SLC25A3: variants seen among roughly 807,000 people sequenced by gnomAD.
The protein encoded by SLC25A3 is phosphate transport protein.
Under a neutral mutation model 37.1 loss-of-function variants are expected in SLC25A3, and 14 were observed. The observed-to-expected ratio is 0.38, with a 90% CI of 0.25 to 0.59. The LOEUF is 0.59. Among genes scored for constraint, SLC25A3 ranks in the 20% least tolerant of loss-of-function variants. The pLI, the probability that SLC25A3 is intolerant of heterozygous loss-of-function variation, is 0.67. For synonymous variants in SLC25A3, 161 were observed against 168.7 expected, an observed-to-expected ratio of 0.95 and a Z score of 0.36; for missense variants, 385 against 458.1, an observed-to-expected ratio of 0.84 and a Z score of 1.46.
At position 98,604,629 on chromosome 12, in the gene SLC25A3, C is replaced by A. The variant is rs2097600260; in HGVS notation, c.*3101C>A. 1 of 152,120 alleles carries A rather than the reference C, an allele frequency of 6.6e-6. No homozygotes were observed. Among genetic ancestry groups the A allele is most frequent in the Non-Finnish European group, 1.5e-5 (1 of 68,128 alleles). The allele number at this position is 152,120 out of a possible 1,614,324, so 9.4% of individuals were successfully genotyped here. ...TAGCTGACACAATTGGGATGTGCCA[C>A]TACTTGCTCCTGTTTTTTCATAGAC... On this transcript the variant is annotated 3_prime_UTR_variant, in exon 8 of 8. Coordinates refer to ENST00000552981, the MANE Select transcript of SLC25A3 (RefSeq NM_002635.4).
At chr12:98,594,868 T>C (rs1196410453) in intron 2 of SLC25A3, 1 of 178,672 alleles carries the variant, frequency 5.6e-6, no homozygotes, top group Non-Finnish European at 1.2e-5. Flanking sequence ...TTTTTTTCTT[T>C]AAATCATTCA....
In SLC25A3 at chr12:98,601,186, C is replaced by T; in HGVS notation, c.830C>T (p.Ala277Val). The change falls in exon 7 of 8, where the codon GCA becomes GTA. Residue 277 changes from alanine to valine, a missense_variant. By Grantham distance (64) the Ala-to-Val change is moderately conservative. Coordinates refer to ENST00000552981, the MANE Select transcript of SLC25A3 (RefSeq NM_002635.4). ...CTTTTTTCAGCTGGAGTCTTTTGTG[C>T]AATTGTTTCTCACCCTGCTGATTCT... ...VAGYIAGVFC[A>V]IVSHPADSVV... 6.2e-7 allele frequency: 1 copy of T among 1,612,642 alleles called. No homozygotes were observed. The highest frequency in any genetic ancestry group is 8.5e-7 in the Non-Finnish European group (1 of 1,179,496).
intron 3 of SLC25A3, 97 bp from the exon 4 acceptor site, chr12:98,597,759 A>G: frequency 6.5e-7 from 1 of 1,527,650 alleles, no homozygotes; most frequent in Non-Finnish European, 8.9e-7. Flanking sequence ...TAGTTGCTGA[A>G]ATTTATTATG....
intron 6 of SLC25A3, among the ~76,000 whole-genome samples, chr12:98,600,906 G>A (rs892811655): frequency 1.3e-5 from 2 of 152,208 alleles, no homozygotes; most frequent in African/African-American, 4.8e-5. Context: ...GCTTGGGAAT[G>A]TATTGATCTT....
rs1270532978 is a variant in SLC25A3 at position 98,604,758 on chromosome 12, C to G, written c.*3230C>G. 1 of 152,138 alleles carries G rather than the reference C, an allele frequency of 6.6e-6. No individual in the cohort carries two copies. The highest frequency in any genetic ancestry group is 2.4e-5 in the African/African-American group (1 of 41,404). 9.4% of individuals were successfully genotyped at this position (152,138 alleles called of 1,614,324 possible). A position where few individuals can be genotyped will look rare whatever the true frequency, so the allele number is the denominator to read the frequency against. On this transcript the variant is annotated 3_prime_UTR_variant, in exon 8 of 8. Transcript: ENST00000552981. Reference sequence around the variant, plus strand: ...GGTTACAGGTAGCCGCCTTGTCTGTCCCGTTTCGACCATATTTTATTTTTG... The same window carrying G: ...GGTTACAGGTAGCCGCCTTGTCTGTGCCGTTTCGACCATATTTTATTTTTG...
intron 4 of SLC25A3, 46 bp from the exon 5 acceptor site, chr12:98,598,476 C>T (rs1321582232): frequency 6.2e-7 from 1 of 1,611,412 alleles, no homozygotes; most frequent in Admixed American, 1.7e-5. Context: ...AATTGAAAAC[C>T]AACACAACAG....
chr12:98,600,153 T>G (rs2097596566), intron 6 of SLC25A3, 26 bp downstream of exon 6: 1 of 1,379,368 alleles, frequency 7.2e-7, no homozygotes, highest in Non-Finnish European at 1.0e-6. Flanking sequence ...AACACACTTG[T>G]CTGAAATTAT....
chr12:98,594,449 G>A, intron 2 of SLC25A3: 1 of 668,690 alleles, frequency 1.5e-6, no homozygotes, highest in Admixed American at 2.1e-5. Flanking sequence ...CTAAGTACTG[G>A]GTAAACTCTC....
At chr12:98,595,327 C>T (rs2097592069) in intron 2 of SLC25A3, 2 of 1,221,576 alleles carry the variant, frequency 1.6e-6, no homozygotes, top group African/African-American at 1.5e-5. Context: ...CAAAGCTATT[C>T]AGCTGTGATA....
intron 2 of SLC25A3, chr12:98,595,088 C>T (rs1465868852): frequency 6.8e-6 from 2 of 293,682 alleles, no homozygotes; most frequent in African/African-American, 2.2e-5. Context: ...AAGCCTTTTA[C>T]ATGTCGAGTG....
At chr12:98,597,590 A>G (rs941186857) in intron 3 of SLC25A3, 26 of 398,096 alleles carry the variant, frequency 6.5e-5, no homozygotes, top group Middle Eastern at 8.1e-4. Flanking sequence ...TGCCCGTCCA[A>G]TTTTTTGTAT....
chr12:98,601,403 A>G lies in SLC25A3; in HGVS notation c.961A>G (p.Ile321Val), dbSNP rs1470652074. The stretch of plus-strand genomic sequence containing the variant: ...GGGACTGTTTGCCCGTATCATCATG[A>G]TTGGTACCCTGACTGCACTACAGTG... ...WKGLFARIIM[I>V]GTLTALQWFI... is the part of the protein sequence containing the mutation. Residue 321 changes from isoleucine to valine, a missense_variant, in exon 8 of 8, where the codon ATT becomes GTT. Coordinates refer to ENST00000552981, the MANE Select transcript of SLC25A3 (RefSeq NM_002635.4). 2 of 1,613,818 alleles carry G rather than the reference A, an allele frequency of 1.2e-6. No individual in the cohort carries two copies. Among genetic ancestry groups the G allele is most frequent in the African/African-American group, 1.3e-5 (1 of 74,868 alleles).
At chr12:98,594,557 A>G (rs2097591362) in intron 2 of SLC25A3, 2 of 588,470 alleles carry the variant, frequency 3.4e-6, no homozygotes, top group Admixed American at 3.0e-5. Context: ...CCTAAGTTTT[A>G]TATTTGTCGA....
Position 98,598,711 on chromosome 12 carries a change from A to C in SLC25A3, c.641+8A>C, listed in dbSNP as rs1288810763. On this transcript the variant is annotated splice_region_variant and intron_variant, in intron 5 of 7. Coordinates refer to ENST00000552981, the MANE Select transcript of SLC25A3 (RefSeq NM_002635.4). Reference sequence around the variant, plus strand: ...GGAAGAAGGCCTAAAAGCGTAAGTAAACACTTAAAAATTTATACTATGAAA... The same window carrying C: ...GGAAGAAGGCCTAAAAGCGTAAGTACACACTTAAAAATTTATACTATGAAA... The C allele has an allele frequency of 6.2e-7, 1 of 1,610,562 alleles. No individual in the cohort carries two copies. Among genetic ancestry groups the C allele is most frequent in the Non-Finnish European group, 8.5e-7 (1 of 1,177,064 alleles).
intron 6 of SLC25A3, 158 bp from the exon 7 acceptor site, chr12:98,601,013 A>G (rs553143742): frequency 5.5e-6 from 4 of 729,344 alleles, no homozygotes; most frequent in East Asian, 2.9e-5. Flanking sequence ...TCCGTTTTAC[A>G]TAGGATAGAC....
chr12:98,598,432 C>G (rs2097594867), intron 4 of SLC25A3, 90 bp from the exon 5 acceptor site: 7 of 1,598,150 alleles, frequency 4.4e-6, no homozygotes, highest in Non-Finnish European at 5.1e-6. Context: ...TATAAAATGT[C>G]TGAAGCTTAG....
chr12:98,597,012 CAAAA>C (rs1017875797), intron 3 of SLC25A3, among the ~76,000 whole-genome samples: 13 of 152,074 alleles, frequency 8.5e-5, no homozygotes, highest in African/African-American at 3.1e-4. Flanking sequence ...GAGCAAGACT[CAAAA>C]AACAAACAAA....
intron 5 of SLC25A3, 56 bp downstream of exon 5, chr12:98,598,759 A>G: frequency 7.0e-7 from 1 of 1,420,730 alleles, no homozygotes; most frequent in Non-Finnish European, 9.7e-7. Context: ...AGTGAACTTC[A>G]TTTTTTTTTG....
chr12:98,598,739 A>G (rs1347089217), intron 5 of SLC25A3, 36 bp downstream of exon 5: 2 of 1,554,656 alleles, frequency 1.3e-6, no homozygotes, highest in Non-Finnish European at 8.8e-7. Flanking sequence ...CTATGAAAGT[A>G]CTTATTTTAA....
Sources: gnomAD v4.1 joint callset for allele counts (sites outside exome capture counted in the v4.1 genomes callset) on GRCh38, gnomAD v4.1.1 for gene constraint, MANE v1.5 for transcripts, NCBI Gene and HGNC (gene_info 2026-07-23, HGNC 2026-07-21) for gene names.